Variants in POLR3A observed in about 807,000 individuals in gnomAD.
POLR3A encodes the protein RNA polymerase III subunit A, also known as DNA-directed RNA polymerase III subunit RPC1.
POLR3A carries 112 observed loss-of-function variants against 152.8 expected under a neutral mutation model. The observed-to-expected ratio is 0.73, with a 90% CI of 0.63 to 0.86. POLR3A has a LOEUF of 0.86. Among genes scored for constraint, POLR3A ranks in the 40% least tolerant of loss-of-function variants. The pLI, the probability that POLR3A is intolerant of heterozygous loss-of-function variation, is 0.00. For missense variants in POLR3A, 1,385 were observed against 1,743.1 expected (o/e 0.79, Z 3.66); for synonymous variants, 615 against 652.1 (o/e 0.94, Z 0.87).
intron 19 of POLR3A, among the ~76,000 whole-genome samples, chr10:77,994,160 GA>G (rs1847275275): frequency 6.6e-6 from 1 of 152,162 alleles, no homozygotes; most frequent in Non-Finnish European, 1.5e-5. Flanking sequence ...CTCCCACACT[GA>G]AGGGCAATTT....
At chr10:77,979,088 T>C (rs1009780832) in intron 30 of POLR3A, among the ~76,000 whole-genome samples, 13 of 152,144 alleles carry the variant, frequency 8.5e-5, no homozygotes, top group African/African-American at 2.9e-4. Context: ...GCTGGGACAA[T>C]AGCAACACCA....
intron 26 of POLR3A, among the ~76,000 whole-genome samples, chr10:77,983,268 C>T (rs2131928806): frequency 6.6e-6 from 1 of 152,310 alleles, no homozygotes; most frequent in East Asian, 1.9e-4. Context: ...TAGAGAAATC[C>T]CCAAACTGGA....
At chr10:78,004,911 A>C in intron 15 of POLR3A, 23 bp from the exon 16 acceptor site, 1 of 1,609,150 alleles carries the variant, frequency 6.2e-7, no homozygotes, top group African/African-American at 1.3e-5. Flanking sequence ...TAGAGCAGGA[A>C]GAAAGGGCCA....
intron 20 of POLR3A, among the ~76,000 whole-genome samples, chr10:77,992,275 C>CTT (rs879321306): frequency 2.1e-5 from 3 of 141,226 alleles, no homozygotes; most frequent in Non-Finnish European, 3.1e-5. Flanking sequence ...TTTTTTTCAT[C>CTT]TTTTTTTTTT....
intron 11 of POLR3A, among the ~76,000 whole-genome samples, chr10:78,010,795 G>A (rs914680635): frequency 1.3e-5 from 2 of 152,176 alleles, no homozygotes; most frequent in Non-Finnish European, 2.9e-5. Flanking sequence ...GAAATATCAA[G>A]TGAAGTTGTT....
rs760504546 is a variant in POLR3A at position 77,986,047 on chromosome 10, T to C, written c.2988+26A>G. On this transcript the variant is annotated intron_variant, in intron 22 of 30. Transcript: ENST00000372371. ...GCGGCAACTACAAACAGCTCGGGGT[T>C]CTAACGCGTCTTGGAGGGATATTAC... The C allele has an allele frequency of 5.7e-6, 9 of 1,582,916 alleles. No individual in the cohort carries two copies. The Admixed American group carries it at 1.5e-4, about 26-fold the overall frequency.
At chr10:77,999,125 G>A (rs960875049) in intron 19 of POLR3A, among the ~76,000 whole-genome samples, 14 of 152,122 alleles carry the variant, frequency 9.2e-5, no homozygotes, top group Admixed American at 1.3e-4. Flanking sequence ...CACAGGAAGG[G>A]GAACATCACA....
chr10:78,007,916 T>C (rs369173406), intron 14 of POLR3A, 50 bp from the exon 15 acceptor site: 5 of 1,500,426 alleles, frequency 3.3e-6, no homozygotes, highest in Non-Finnish European at 4.6e-6. Context: ...TACTTTGCCT[T>C]ATTCCAAAAT....
intron 1 of POLR3A, among the ~76,000 whole-genome samples, chr10:78,029,069 A>T (rs1407471991): frequency 6.6e-6 from 1 of 152,130 alleles, no homozygotes; most frequent in African/African-American, 2.4e-5. Context: ...AACAGGGATC[A>T]TTGTATGACT....
At chr10:77,989,243 G>T (rs7916442) in intron 21 of POLR3A, among the ~76,000 whole-genome samples, 6,350 of 152,298 alleles carry the variant, frequency 0.042, 328 homozygotes, top group East Asian at 0.23. Context: ...CGATTAACCA[G>T]AAGTTAGTGT....
At chr10:78,009,510 CT>C in intron 14 of POLR3A, 26 bp downstream of exon 14, 1 of 1,614,230 alleles carries the variant, frequency 6.2e-7, no homozygotes, top group Non-Finnish European at 8.5e-7. Context: ...GTTCCTCCTT[CT>C]CCCCACCCGA....
intron 20 of POLR3A, among the ~76,000 whole-genome samples, chr10:77,991,974 T>G (rs911474737): frequency 2.0e-5 from 3 of 152,230 alleles, no homozygotes; most frequent in African/African-American, 7.2e-5. Context: ...AAAAACATTC[T>G]TGGCATAGTT....
chr10:77,982,844 A>C (rs560288688), intron 26 of POLR3A, 27 bp from the exon 27 acceptor site: 30 of 1,609,568 alleles, frequency 1.9e-5, no homozygotes, highest in Middle Eastern at 3.3e-4. Flanking sequence ...TGTAGGTGTT[A>C]CTGATTCCAG....
chr10:77,991,239 T>C (rs918508733), intron 20 of POLR3A, 72 bp from the exon 21 acceptor site: 8 of 861,016 alleles, frequency 9.3e-6, no homozygotes, highest in Non-Finnish European at 1.6e-5. Context: ...TGAGAGAACT[T>C]ACAAAGGATA....
rs1847668450 is a variant in POLR3A at position 78,029,349 on chromosome 10, C to G, written c.44+15G>C. On this transcript the variant is annotated intron_variant, in intron 1 of 30. Coordinates refer to ENST00000372371, the MANE Select transcript of POLR3A (RefSeq NM_007055.4). ...CCTATTTCTCAGCCCTTTGGCCACT[C>G]TTACTCCGTCTTACATTTTCTTGGC... 4 of 1,614,094 alleles carry G rather than the reference C, an allele frequency of 2.5e-6. No homozygotes were observed. Among genetic ancestry groups the G allele is most frequent in the Admixed American group, 1.7e-5 (1 of 60,014 alleles).
In POLR3A at chr10:77,981,477, C is replaced by T; in HGVS notation, c.3842G>A (p.Ser1281Asn). The T allele has an allele frequency of 6.2e-7, 1 of 1,614,072 alleles. No homozygotes were observed. The highest frequency in any genetic ancestry group is 8.5e-7 in the Non-Finnish European group (1 of 1,179,950). The change falls in exon 29 of 31, where the codon AGC (serine) becomes AAC (asparagine). Residue 1281 changes from serine (S) to asparagine (N), a missense_variant. Ser to Asn is a conservative substitution (Grantham distance 46). Coordinates refer to ENST00000372371, the MANE Select transcript of POLR3A (RefSeq NM_007055.4). ...IQYTMVNHGM[S>N]IDRRHVMLLS... ...CAGCATCACGTGCCTCCTGTCGATG[C>T]TCATGCCGTGGTTCACCATGGTGTA... is the stretch of plus-strand genomic sequence containing the variant.
At chr10:77,984,146 C>T in intron 25 of POLR3A, 59 bp downstream of exon 25, 2 of 1,306,942 alleles carry the variant, frequency 1.5e-6, no homozygotes, top group Non-Finnish European at 2.2e-6. Context: ...CTGATTTTTA[C>T]ACTTCCTTGC....
chr10:77,975,481 A>G lies in POLR3A; in HGVS notation c.*1997T>C, dbSNP rs1007531980. ...ACCCATGGGTGATGTGATCCTTCAC[A>G]TAACCATTCTGCTCCAAGGTCTGCC... is the stretch of plus-strand genomic sequence containing the variant. On this transcript the variant is annotated 3_prime_UTR_variant, in exon 31 of 31. Transcript: ENST00000372371. 6.6e-6 allele frequency: 1 copy of G among 152,262 alleles called. No individual in the cohort carries two copies. The highest frequency in any genetic ancestry group is 2.4e-5 in the African/African-American group (1 of 41,466). 9.4% of individuals were successfully genotyped at this position (152,262 alleles called of 1,614,324 possible).
intron 29 of POLR3A, 126 bp from the exon 30 acceptor site, chr10:77,980,399 C>T (rs141418285): frequency 2.1e-4 from 177 of 853,694 alleles, no homozygotes; most frequent in African/African-American, 2.1e-3. Context: ...GTGTGAAAGG[C>T]CCTGAGGAGC....
Sources: gnomAD v4.1 joint callset for allele counts (sites outside exome capture counted in the v4.1 genomes callset) on GRCh38, gnomAD v4.1.1 for gene constraint, MANE v1.5 for transcripts, NCBI Gene and HGNC (gene_info 2026-07-23, HGNC 2026-07-21) for gene names.